CDH19: variants seen among roughly 807,000 people sequenced by gnomAD.
CDH19 encodes the protein cadherin-19.
Under a neutral mutation model 64.2 loss-of-function variants are expected in CDH19, and 67 were observed. The observed-to-expected ratio is 1.04, with a 90% CI of 0.86 to 1.28. The LOEUF (loss-of-function observed/expected upper bound fraction) is 1.28, where lower values mean the gene tolerates loss of function less well. CDH19 is among the 50% of genes most tolerant of loss of function. CDH19 has a pLI of 0.00. For synonymous variants in CDH19, 346 were observed against 319.3 expected, an observed-to-expected ratio of 1.08 and a Z score of -0.89; for missense variants, 1,030 against 929.0, an observed-to-expected ratio of 1.11 and a Z score of -1.41.
At chr18:66,536,477 T>G (rs1986675510) in intron 7 of CDH19, among the ~76,000 whole-genome samples, 1 of 151,858 alleles carries the variant, frequency 6.6e-6, no homozygotes, top group Admixed American at 6.6e-5. Context: ...GTTGTTATTT[T>G]GAATTAAACA....
chr18:66,588,619 TCTATATCTATATATATATAG>T lies in CDH19; in HGVS notation c.-113+15315_-113+15334del, dbSNP rs1568211864. Among the ~76,000 whole-genome samples the T allele has an allele frequency of 2.4e-4, 32 of 132,758 alleles. 7 individuals carry two copies. The highest frequency in any genetic ancestry group is 5.0e-4 in the Non-Finnish European group (29 of 57,670). The allele number at this position is 132,758 out of a possible 152,430, so 87.1% of individuals were successfully genotyped here. The stretch of plus-strand genomic sequence containing the variant: ...TTTTTACTAATCATATATATCTATA[TCTATATCTATATATATATAG>T]ATACAGCTCAGATTTATTTCAGTGT... On this transcript the variant is annotated intron_variant, in intron 1 of 11. Transcript: ENST00000262150.
At chr18:66,599,243 A>AT (rs1030672485) in intron 1 of CDH19, among the ~76,000 whole-genome samples, 4 of 151,818 alleles carry the variant, frequency 2.6e-5, no homozygotes, top group East Asian at 1.9e-4. Flanking sequence ...TATTTTGGGG[A>AT]TTTTTTTTAA....
chr18:66,530,653 T>TAA (rs5825709), intron 8 of CDH19, among the ~76,000 whole-genome samples: 14 of 151,792 alleles, frequency 9.2e-5, no homozygotes, highest in African/African-American at 2.9e-4. Flanking sequence ...CAAATTGATA[T>TAA]AAAAAAGACA....
intron 8 of CDH19, among the ~76,000 whole-genome samples, chr18:66,534,114 C>A (rs539554016): frequency 6.6e-6 from 1 of 151,804 alleles, no homozygotes; most frequent in East Asian, 1.9e-4. Context: ...AAAAATTGTT[C>A]TCAGAAATAC....
At chr18:66,512,558 TACATCTTCAC>T (rs1985543223) in intron 9 of CDH19, among the ~76,000 whole-genome samples, 1 of 151,570 alleles carries the variant, frequency 6.6e-6, no homozygotes, top group South Asian at 2.1e-4. Flanking sequence ...AAAAAATAGA[TACATCTTCAC>T]AGGCATAAAG....
Position 66,503,845 on chromosome 18 carries a change from A to T in CDH19, c.*967T>A, listed in dbSNP as rs530631128. 6.6e-6 allele frequency: 1 copy of T among 152,052 alleles called. No individual in the cohort carries two copies. The highest frequency in any genetic ancestry group is 6.6e-5 in the Admixed American group (1 of 15,236). 9.4% of individuals were successfully genotyped at this position (152,052 alleles called of 1,614,324 possible). ...CAAAGTTTTAAAATATCAAACTAGA[A>T]TGAATCATGGCATCTTAGTCAGAAA... On this transcript the variant is annotated 3_prime_UTR_variant, in exon 12 of 12. Transcript: ENST00000262150.
chr18:66,545,586 C>A (rs1031941032), intron 5 of CDH19, among the ~76,000 whole-genome samples: 4 of 152,032 alleles, frequency 2.6e-5, no homozygotes, highest in African/African-American at 9.7e-5. Context: ...CCTCAATATT[C>A]ATGTTTTATT....
intron 1 of CDH19, among the ~76,000 whole-genome samples, chr18:66,589,233 C>T (rs1941731): frequency 0.34 from 50,467 of 149,580 alleles, 9,914 homozygotes; most frequent in Non-Finnish European, 0.45. Flanking sequence ...AATGAATATA[C>T]ATATTTGAAT....
At chr18:66,575,049 C>T (rs1988225925) in intron 1 of CDH19, among the ~76,000 whole-genome samples, 1 of 151,882 alleles carries the variant, frequency 6.6e-6, no homozygotes, top group African/African-American at 2.4e-5. Context: ...AGCCTTTAGA[C>T]ACTTAGTGCA....
At chr18:66,565,821 C>A (rs982215379) in intron 3 of CDH19, among the ~76,000 whole-genome samples, 1 of 152,008 alleles carries the variant, frequency 6.6e-6, no homozygotes, top group Non-Finnish European at 1.5e-5. Flanking sequence ...CTCAGCTGGC[C>A]TCTCCCTCTC....
chr18:66,587,662 C>T (rs936581741), intron 1 of CDH19, among the ~76,000 whole-genome samples: 1 of 152,010 alleles, frequency 6.6e-6, no homozygotes, highest in Non-Finnish European at 1.5e-5. Context: ...ATAATTGTCT[C>T]GTCTTTATTG....
intron 3 of CDH19, among the ~76,000 whole-genome samples, chr18:66,567,863 A>T (rs1987964184): frequency 6.6e-6 from 1 of 151,840 alleles, no homozygotes; most frequent in African/African-American, 2.4e-5. Flanking sequence ...TATGGAAACC[A>T]TTCTCTCCTA....
At chr18:66,532,069 C>T (rs1242004800) in intron 8 of CDH19, among the ~76,000 whole-genome samples, 2 of 152,006 alleles carry the variant, frequency 1.3e-5, no homozygotes, top group African/African-American at 2.4e-5. Context: ...TAGGCTCAAG[C>T]GATTCTCCTG....
chr18:66,582,698 T>C (rs561105394), intron 1 of CDH19, among the ~76,000 whole-genome samples: 8 of 127,188 alleles, frequency 6.3e-5, no homozygotes, highest in Non-Finnish European at 9.6e-5. Context: ...TGAGTCAGAA[T>C]AGCTATACTG....
intron 1 of CDH19, among the ~76,000 whole-genome samples, chr18:66,601,401 C>G (rs866881028): frequency 3.9e-5 from 6 of 151,908 alleles, no homozygotes; most frequent in Admixed American, 6.6e-5. Context: ...ATTATCCCCA[C>G]TTTAATACAG....
intron 1 of CDH19, among the ~76,000 whole-genome samples, chr18:66,595,549 T>G (rs1303447537): frequency 7.2e-6 from 1 of 138,708 alleles, no homozygotes; most frequent in African/African-American, 2.7e-5. Flanking sequence ...AGAGACTCTA[T>G]GCACACATAG....
intron 1 of CDH19, among the ~76,000 whole-genome samples, chr18:66,600,847 G>T (rs1251762780): frequency 6.6e-6 from 1 of 151,902 alleles, no homozygotes; most frequent in Non-Finnish European, 1.5e-5. Context: ...TTCGATAAAA[G>T]AGAGAAAATA....
chr18:66,540,972 C>T (rs1293171236), intron 7 of CDH19, among the ~76,000 whole-genome samples: 1 of 152,002 alleles, frequency 6.6e-6, no homozygotes, highest in East Asian at 1.9e-4. Context: ...ATACAAGGCT[C>T]CTTAAAACAA....
chr18:66,535,509 A>T (rs1022248670), intron 7 of CDH19, among the ~76,000 whole-genome samples: 2 of 150,974 alleles, frequency 1.3e-5, no homozygotes, highest in Admixed American at 1.3e-4. Context: ...TTTAAAAAGT[A>T]AATTTGATAA....
Sources: gnomAD v4.1 joint callset for allele counts (sites outside exome capture counted in the v4.1 genomes callset) on GRCh38, gnomAD v4.1.1 for gene constraint, MANE v1.5 for transcripts, NCBI Gene and HGNC (gene_info 2026-07-23, HGNC 2026-07-21) for gene names.